Variants in ARHGEF26 observed in about 807,000 individuals in gnomAD.
The protein encoded by ARHGEF26 is Rho guanine nucleotide exchange factor (GEF) 26.
A neutral mutation model predicts 89.4 loss-of-function variants in ARHGEF26; 59 were observed. The ratio of observed to expected loss-of-function variants is 0.66; its 90% confidence interval spans 0.54 to 0.82. The LOEUF is 0.82. ARHGEF26 is among the 40% of genes least tolerant of loss of function. The pLI is 0.00. For synonymous variants in ARHGEF26, 500 were observed against 428.4 expected, an observed-to-expected ratio of 1.17 and a Z score of -2.06; for missense variants, 1,234 against 1,085.6, an observed-to-expected ratio of 1.14 and a Z score of -1.92.
At chr3:154,246,852 GAT>G (rs1295332819) in intron 12 of ARHGEF26, among the ~76,000 whole-genome samples, 2 of 152,196 alleles carry the variant, frequency 1.3e-5, no homozygotes, top group Admixed American at 1.3e-4. Context: ...AGGAATCGAT[GAT>G]ATTTAGATTT....
chr3:154,242,321 A>C (rs955770569), intron 12 of ARHGEF26, among the ~76,000 whole-genome samples: 4 of 152,212 alleles, frequency 2.6e-5, no homozygotes, highest in African/African-American at 4.8e-5. Context: ...TCATGGGAGG[A>C]GATCAACATA....
At chr3:154,157,649 T>G (rs767356145) in intron 6 of ARHGEF26, among the ~76,000 whole-genome samples, 2 of 152,044 alleles carry the variant, frequency 1.3e-5, no homozygotes, top group Non-Finnish European at 2.9e-5. Context: ...TTGAGAGATA[T>G]TTAGAATATG....
At chr3:154,225,536 T>C (rs1716428802) in intron 10 of ARHGEF26, among the ~76,000 whole-genome samples, 1 of 152,178 alleles carries the variant, frequency 6.6e-6, no homozygotes, top group Admixed American at 6.5e-5. Context: ...TGTAAATAAC[T>C]CCTTACTTTC....
intron 9 of ARHGEF26, among the ~76,000 whole-genome samples, chr3:154,207,068 A>G (rs1715061673): frequency 6.6e-6 from 1 of 152,202 alleles, no homozygotes; most frequent in Non-Finnish European, 1.5e-5. Context: ...TATGCAGAAA[A>G]TTGAAACTGG....
chr3:154,122,042 T>A lies in ARHGEF26; in HGVS notation c.50T>A (p.Leu17Ter). ...VDFSSNSITPLWRRRSIPQPH... is the reference protein window; with the variant it reads ...VDFSSNSITP ...TTTTCTAGCAACAGCATAACCCCTT[T>A]GTGGCGGAGGCGGTCGATTCCTCAG... The change falls in exon 2 of 15, where the codon TTG (leucine) becomes TAG (stop). Residue 17 changes from leucine to a stop codon, truncating the protein, a stop_gained. Transcript: ENST00000465093. LOFTEE classifies it high-confidence loss of function. 1 of 1,611,680 alleles carries A rather than the reference T, an allele frequency of 6.2e-7. No individual in the cohort carries two copies. The highest frequency in any genetic ancestry group is 1.1e-5 in the South Asian group (1 of 90,992).
rs541133811 is a variant in ARHGEF26 at position 154,171,125 on chromosome 3, C to G, written c.1488-16560C>G. Among the ~76,000 whole-genome samples the G allele has an allele frequency of 2.6e-5, 4 of 152,272 alleles. No homozygotes were observed. In the South Asian group the frequency reaches 6.2e-4, roughly 24 times the overall value. ...AAAGAAAGTGGTCTAGAATCTGGTT[C>G]TGGCATAGAGAGATTATATCTTTCC... On this transcript the variant is annotated intron_variant, in intron 6 of 14. Transcript: ENST00000465093.
At chr3:154,231,211 C>T (rs1716804796) in intron 11 of ARHGEF26, among the ~76,000 whole-genome samples, 1 of 152,088 alleles carries the variant, frequency 6.6e-6, no homozygotes, top group East Asian at 1.9e-4. Flanking sequence ...GAAATGGGAG[C>T]CCTGTTTCCT....
intron 3 of ARHGEF26, among the ~76,000 whole-genome samples, chr3:154,125,760 T>G (rs1718292380): frequency 6.6e-6 from 1 of 152,192 alleles, no homozygotes; most frequent in Non-Finnish European, 1.5e-5. Flanking sequence ...TCATTTCTTC[T>G]CAAATATAAT....
chr3:154,230,470 GA>G (rs1204124926), intron 11 of ARHGEF26, among the ~76,000 whole-genome samples: 3 of 151,976 alleles, frequency 2.0e-5, no homozygotes, highest in Non-Finnish European at 2.9e-5. Flanking sequence ...GTTATTGGGG[GA>G]AAAAAGCATA....
At chr3:154,240,974 T>C (rs1717452862) in intron 12 of ARHGEF26, among the ~76,000 whole-genome samples, 1 of 152,212 alleles carries the variant, frequency 6.6e-6, no homozygotes, top group African/African-American at 2.4e-5. Context: ...AGGTCGTTTC[T>C]CAGTCACCTA....
Position 154,255,480 on chromosome 3 carries a change from A to G in ARHGEF26, c.*7A>G, listed in dbSNP as rs750269595. 4.3e-6 allele frequency: 7 copies of G among 1,610,358 alleles called. No individual in the cohort carries two copies. The highest frequency in any genetic ancestry group is 5.9e-6 in the Non-Finnish European group (7 of 1,178,258). On this transcript the variant is annotated 3_prime_UTR_variant, in exon 15 of 15. Coordinates refer to ENST00000465093, the MANE Select transcript of ARHGEF26 (RefSeq NM_015595.4). ...ACTGGAGACCAACGTGTAGTCTCTCAGATGGTCTTTTGTTACTGCAAGATT... is the reference window on the plus strand; with the variant it reads ...ACTGGAGACCAACGTGTAGTCTCTCGGATGGTCTTTTGTTACTGCAAGATT...
At chr3:154,253,846 T>A (rs1256939540) in intron 13 of ARHGEF26, among the ~76,000 whole-genome samples, 2 of 152,198 alleles carry the variant, frequency 1.3e-5, no homozygotes, top group Non-Finnish European at 2.9e-5. Context: ...ATTATAGCTT[T>A]AAGCTTAGAT....
At chr3:154,233,355 C>T (rs115434765) in intron 11 of ARHGEF26, among the ~76,000 whole-genome samples, 311 of 152,286 alleles carry the variant, frequency 2.0e-3, no homozygotes, top group African/African-American at 7.3e-3. Flanking sequence ...TTCATCCCAG[C>T]AAAGTTTGAC....
At chr3:154,172,111 G>T (rs970290490) in intron 6 of ARHGEF26, among the ~76,000 whole-genome samples, 2 of 152,182 alleles carry the variant, frequency 1.3e-5, no homozygotes, top group African/African-American at 4.8e-5. Context: ...AAGGCTCTGC[G>T]CAAGAAGCAG....
chr3:154,204,875 G>T (rs1261022720), intron 9 of ARHGEF26, among the ~76,000 whole-genome samples: 1 of 152,104 alleles, frequency 6.6e-6, no homozygotes, highest in Non-Finnish European at 1.5e-5. Flanking sequence ...TGTGGTCAAA[G>T]AATATGCTTG....
At chr3:154,167,217 A>G (rs357488) in intron 6 of ARHGEF26, among the ~76,000 whole-genome samples, 138,459 of 152,208 alleles carry the variant, frequency 0.91, 63,188 homozygotes, top group East Asian at 0.99. Context: ...ATATTTTAGG[A>G]TGAGAGCACC....
intron 11 of ARHGEF26, among the ~76,000 whole-genome samples, chr3:154,231,887 G>A (rs1000980880): frequency 1.4e-5 from 2 of 146,824 alleles, no homozygotes; most frequent in African/African-American, 5.0e-5. Context: ...ATGTGTACAC[G>A]TTGTAGTAGC....
chr3:154,250,700 A>G (rs1408062117), intron 12 of ARHGEF26, among the ~76,000 whole-genome samples: 1 of 152,108 alleles, frequency 6.6e-6, no homozygotes, highest in East Asian at 1.9e-4. Context: ...GGCTATGTAT[A>G]ATTTGTTTCA....
chr3:154,216,518 T>TTTTTTTTTA (rs1715757869), intron 9 of ARHGEF26, among the ~76,000 whole-genome samples: 1 of 144,900 alleles, frequency 6.9e-6, no homozygotes, highest in East Asian at 2.0e-4. Context: ...TATTTTTTTT[T>TTTTTTTTTA]TATGTCTATA....
Sources: allele counts gnomAD v4.1 joint callset (sites outside exome capture counted in the v4.1 genomes callset), GRCh38; gene constraint gnomAD v4.1.1; transcripts MANE v1.5; gene names NCBI Gene and HGNC (gene_info 2026-07-23, HGNC 2026-07-21).